SPATA9: variants seen among roughly 807,000 people sequenced by gnomAD.
The protein encoded by SPATA9 is spermatogenesis associated 9.
A neutral mutation model predicts 25.5 loss-of-function variants in SPATA9; 27 were observed. That is an observed-to-expected ratio of 1.06 (90% CI 0.78 to 1.46). The LOEUF (loss-of-function observed/expected upper bound fraction) is 1.46. Among genes scored for constraint, SPATA9 ranks in the 40% most tolerant of loss-of-function variants. The probability of loss-of-function intolerance (pLI) is 0.00; values close to 1 mark genes in which losing one functional copy is unlikely to be tolerated. For missense variants in SPATA9, 282 were observed against 297.5 expected (o/e 0.95, Z 0.38); for synonymous variants, 102 against 105.7 (o/e 0.97, Z 0.21).
At chr5:95,702,353 G>T (rs1207744414), upstream of SPATA9, among the ~76,000 whole-genome samples, 2 of 152,126 alleles carry the variant, frequency 1.3e-5, no homozygotes, top group Non-Finnish European at 2.9e-5. Context: ...TCCATCAAGG[G>T]ATAGAATTCA....
the SPATA9 span, among the ~76,000 whole-genome samples, chr5:95,726,245 A>G: frequency 3.0e-3 from 462 of 152,288 alleles, 1 homozygote; most frequent in South Asian, 0.014. Context: ...TTTGCGTTCT[A>G]TGTATTATTT....
intron 4 of SPATA9, among the ~76,000 whole-genome samples, chr5:95,661,248 T>TC (rs376725288): frequency 6.0e-4 from 91 of 152,114 alleles, no homozygotes; most frequent in African/African-American, 2.1e-3. Context: ...GCTTCTTGTC[T>TC]CCCAAATGGA....
chr5:95,680,732 T>C (rs1319056714), intron 2 of SPATA9, among the ~76,000 whole-genome samples: 1 of 152,208 alleles, frequency 6.6e-6, no homozygotes, highest in African/African-American at 2.4e-5. Flanking sequence ...TTCCCAAATA[T>C]ACATCTTCAG....
chr5:95,730,576 GT>G, the SPATA9 span, among the ~76,000 whole-genome samples: 1 of 152,132 alleles, frequency 6.6e-6, no homozygotes, highest in Admixed American at 6.5e-5. Context: ...TATTAAATAT[GT>G]GGCCATAACG....
intron 2 of SPATA9, among the ~76,000 whole-genome samples, chr5:95,676,544 C>T (rs1752965628): frequency 6.6e-6 from 1 of 152,172 alleles, no homozygotes; most frequent in African/African-American, 2.4e-5. Flanking sequence ...TAATGCTGAA[C>T]TTTACTCTTC....
intron 3 of SPATA9, among the ~76,000 whole-genome samples, chr5:95,667,529 CA>C (rs1751941363): frequency 6.6e-6 from 1 of 152,098 alleles, no homozygotes; most frequent in Non-Finnish European, 1.5e-5. Context: ...TAGAAAGAAT[CA>C]AATTGATAGC....
At chr5:95,716,437 A>G in the SPATA9 span, among the ~76,000 whole-genome samples, 2 of 152,364 alleles carry the variant, frequency 1.3e-5, no homozygotes, top group East Asian at 3.9e-4. Flanking sequence ...TAGGACTTGC[A>G]TGGGGCCTGT....
At chr5:95,685,979 G>A (rs1244483547), upstream of SPATA9, among the ~76,000 whole-genome samples, 4 of 152,274 alleles carry the variant, frequency 2.6e-5, no homozygotes, top group African/African-American at 9.6e-5. Flanking sequence ...TGGGACTACA[G>A]GCACCCGCGA....
intron 4 of SPATA9, among the ~76,000 whole-genome samples, chr5:95,660,208 C>G (rs1412701762): frequency 2.0e-5 from 3 of 152,080 alleles, no homozygotes; most frequent in Non-Finnish European, 4.4e-5. Flanking sequence ...ATAGATGGTA[C>G]CTTCTATCTA....
intron 1 of SPATA9, among the ~76,000 whole-genome samples, chr5:95,696,768 G>T (rs1754033550): frequency 6.6e-6 from 1 of 152,160 alleles, no homozygotes; most frequent in Non-Finnish European, 1.5e-5. Flanking sequence ...GAGCAGCACT[G>T]AGTCTAGGAG....
upstream of SPATA9, among the ~76,000 whole-genome samples, chr5:95,702,006 T>C (rs1254558592): frequency 6.6e-6 from 1 of 152,248 alleles, no homozygotes; most frequent in Non-Finnish European, 1.5e-5. Flanking sequence ...CCTTAAAGGA[T>C]TGTTCAGTAG....
chr5:95,700,270 T>C (rs1198630093), upstream of SPATA9, among the ~76,000 whole-genome samples: 1 of 152,194 alleles, frequency 6.6e-6, no homozygotes, highest in African/African-American at 2.4e-5. Flanking sequence ...TTGCCCTTCA[T>C]GCAGTTTCCC....
intron 2 of SPATA9, among the ~76,000 whole-genome samples, chr5:95,681,903 A>T (rs1753493262): frequency 6.6e-6 from 1 of 152,182 alleles, no homozygotes. Flanking sequence ...AAAATGACCG[A>T]ACCACATTTT....
chr5:95,681,917 A>G (rs949874163), intron 2 of SPATA9, among the ~76,000 whole-genome samples: 3 of 152,212 alleles, frequency 2.0e-5, no homozygotes, highest in African/African-American at 7.2e-5. Context: ...ACATTTTTCC[A>G]TTAAGAGCTG....
upstream of SPATA9, among the ~76,000 whole-genome samples, chr5:95,687,971 A>G (rs1753791095): frequency 6.6e-6 from 1 of 152,206 alleles, no homozygotes; most frequent in Non-Finnish European, 1.5e-5. Flanking sequence ...GTTGGTGGTA[A>G]TGTAAATTAG....
downstream of SPATA9, chr5:95,657,037 A>G (rs1371284914): frequency 6.6e-6 from 1 of 152,172 alleles, no homozygotes; most frequent in Non-Finnish European, 1.5e-5. Context: ...AGGAAGCCAG[A>G]CACAGCTGCT....
At chr5:95,710,518 G>C in the SPATA9 span, among the ~76,000 whole-genome samples, 1 of 152,172 alleles carries the variant, frequency 6.6e-6, no homozygotes, top group East Asian at 1.9e-4. Flanking sequence ...TGGCCATCCA[G>C]AGGCCACGGG....
At chr5:95,714,344 A>G in the SPATA9 span, among the ~76,000 whole-genome samples, 5 of 152,338 alleles carry the variant, frequency 3.3e-5, no homozygotes, top group South Asian at 2.1e-4. Flanking sequence ...ATGTATAGCA[A>G]GAGGAGAGAA....
the SPATA9 span, among the ~76,000 whole-genome samples, chr5:95,720,024 G>T: frequency 6.6e-6 from 1 of 152,188 alleles, no homozygotes; most frequent in Non-Finnish European, 1.5e-5. Flanking sequence ...GACAGTGTTT[G>T]CTACCTATTA....
Sources: gnomAD v4.1 joint callset for allele counts (sites outside exome capture counted in the v4.1 genomes callset) on GRCh38, gnomAD v4.1.1 for gene constraint, MANE v1.5 for transcripts, NCBI Gene and HGNC (gene_info 2026-07-23, HGNC 2026-07-21) for gene names.